The following METTL3 variants were observed in gnomAD, a reference collection of about 807,000 sequenced individuals.
METTL3 encodes methyltransferase 3, N6-adenosine-methyltransferase complex catalytic subunit, also known as N(6)-adenosine-methyltransferase catalytic subunit METTL3.
A neutral mutation model predicts 64.3 loss-of-function variants in METTL3; 42 were observed. The observed-to-expected ratio is 0.65, with a 90% CI of 0.51 to 0.84. The LOEUF (loss-of-function observed/expected upper bound fraction) is 0.84. METTL3 is among the 40% of genes least tolerant of loss of function. METTL3 has a pLI of 0.00. For synonymous variants in METTL3, 256 were observed against 263.6 expected (o/e 0.97, Z 0.28); for missense variants, 435 against 722.3 (o/e 0.60, Z 4.56).
chr14:21,499,466 T>C (rs1396678938), intron 8 of METTL3, 26 bp downstream of exon 8: 4 of 1,609,152 alleles, frequency 2.5e-6, no homozygotes, highest in African/African-American at 1.3e-5. Flanking sequence ...GCTCCACCTA[T>C]TGAATTGGGC....
chr14:21,509,429 GAAT>G (rs951018302), intron 1 of METTL3: 1 of 152,140 alleles, frequency 6.6e-6, no homozygotes. Context: ...TGCCATTGCT[GAAT>G]GGGAAAAGAC....
intron 10 of METTL3, 122 bp downstream of exon 10, chr14:21,498,903 C>T (rs1891482089): frequency 1.5e-6 from 1 of 672,470 alleles, no homozygotes; most frequent in South Asian, 1.8e-5. Context: ...GCTTAAGTGG[C>T]TTATGAATCC....
intron 1 of METTL3, among the ~76,000 whole-genome samples, chr14:21,506,274 C>A (rs1891694614): frequency 6.6e-6 from 1 of 151,844 alleles, no homozygotes; most frequent in Non-Finnish European, 1.5e-5. Flanking sequence ...GGGTCTCGGC[C>A]GGGCGTGGTT....
At position 21,499,082 on chromosome 14, in the gene METTL3, GAT is replaced by G. The variant is rs2139638427; in HGVS notation, c.1572_1573del (p.Pro526TrpfsTer6). The stretch of plus-strand genomic sequence containing the variant: ...TAACTCAATCTTGCGAGTGCCAGGA[GAT>G]AGTCTTTCAATCATGCCATAGATTT... On this transcript the variant is annotated frameshift_variant, in exon 10 of 11. Transcript: ENST00000298717. LOFTEE classifies it high-confidence loss of function. 1.2e-6 allele frequency: 2 copies of G among 1,614,058 alleles called. No homozygotes were observed. Among genetic ancestry groups the G allele is most frequent in the East Asian group, 4.5e-5 (2 of 44,902 alleles).
intron 4 of METTL3, 116 bp downstream of exon 4, chr14:21,501,612 C>G: frequency 1.5e-6 from 2 of 1,363,070 alleles, no homozygotes; most frequent in Admixed American, 2.0e-5. Context: ...GGAGGACTTA[C>G]ACAAACCATA....
In METTL3 at chr14:21,500,569, T is replaced by C. The variant is rs760542640; in HGVS notation, c.1230A>G (p.Thr410=). The C allele has an allele frequency of 6.2e-7, 1 of 1,614,164 alleles. No individual in the cohort carries two copies. The highest frequency in any genetic ancestry group is 8.5e-7 in the Non-Finnish European group (1 of 1,180,028). The change falls in exon 6 of 11, where the codon ACA becomes ACG. Residue 410 remains threonine, a synonymous_variant. Transcript: ENST00000298717. The stretch of plus-strand genomic sequence containing the variant: ...TGTTGAGCCTGCGCATCTCATCATC[T>C]GTCAGGGTCCCATAGGGCAGTTCCA... The part of the protein sequence containing the change: ...IHMELPYGTL[T]DDEMRRLNIP...
In METTL3 at chr14:21,499,779, C is replaced by T. The variant is rs755736039; in HGVS notation, c.1328G>A (p.Cys443Tyr). 5 of 1,613,102 alleles carry T rather than the reference C, an allele frequency of 3.1e-6. No homozygotes were observed. The highest frequency in any genetic ancestry group is 8.5e-7 in the Non-Finnish European group (1 of 1,179,218). ...TGRAMELGRE[C>Y]LNLWGYERVD... Reference sequence around the variant, plus strand: ...CACTACTTACCCCCAGAGGTTTAGACATTCTCTCCCCAACTCCATGGCCCT... The same window carrying T: ...CACTACTTACCCCCAGAGGTTTAGATATTCTCTCCCCAACTCCATGGCCCT... The change falls in exon 7 of 11, where the codon TGT (cysteine) becomes TAT (tyrosine). Residue 443 changes from cysteine (C) to tyrosine (Y), a missense_variant. Physicochemically the swap from Cys to Tyr is radical, Grantham distance 194. Coordinates refer to ENST00000298717, the MANE Select transcript of METTL3 (RefSeq NM_019852.5).
intron 1 of METTL3, among the ~76,000 whole-genome samples, chr14:21,507,176 T>C (rs1296683244): frequency 1.3e-5 from 2 of 150,962 alleles, no homozygotes; most frequent in African/African-American, 4.9e-5. Flanking sequence ...AGCGAAACTC[T>C]GTCTCAAAAA....
intron 7 of METTL3, 72 bp from the exon 8 acceptor site, chr14:21,499,672 G>C (rs1891507224): frequency 6.3e-7 from 1 of 1,578,770 alleles, no homozygotes. Context: ...ATTTATAGAA[G>C]CAAGGAATCA....
Position 21,511,321 on chromosome 14 carries a change from C to A in METTL3, c.-98G>T. The A allele has an allele frequency of 6.8e-7, 1 of 1,480,870 alleles. No homozygotes were observed. Among genetic ancestry groups the A allele is most frequent in the South Asian group, 1.3e-5 (1 of 74,716 alleles). 91.7% of individuals were successfully genotyped at this position (1,480,870 alleles called of 1,614,324 possible). On this transcript the variant is annotated 5_prime_UTR_variant, in exon 1 of 11. Coordinates refer to ENST00000298717, the MANE Select transcript of METTL3 (RefSeq NM_019852.5). Reference sequence around the variant, plus strand: ...TATAGCCAATTCTCACGCGGACACCCCGAAGGCTAACCGGAAAATGACCCC... The same window carrying A: ...TATAGCCAATTCTCACGCGGACACCACGAAGGCTAACCGGAAAATGACCCC...
At chr14:21,498,430 TTA>T in intron 10 of METTL3, 61 bp from the exon 11 acceptor site, 2 of 1,513,608 alleles carry the variant, frequency 1.3e-6, no homozygotes, top group Non-Finnish European at 1.8e-6. Context: ...TTTAATATTG[TTA>T]AAAAATGCAT....
chr14:21,509,433 G>A (rs1399707347), intron 1 of METTL3: 4 of 152,124 alleles, frequency 2.6e-5, no homozygotes, highest in Non-Finnish European at 5.9e-5. Flanking sequence ...ATTGCTGAAT[G>A]GGAAAAGACT....
At chr14:21,504,524 A>T (rs1891649779) in intron 1 of METTL3, 2 of 152,386 alleles carry the variant, frequency 1.3e-5, no homozygotes, top group African/African-American at 4.8e-5. Context: ...AGAAAGCCTA[A>T]TATCTGTGGT....
chr14:21,503,606 A>G (rs1956229638), intron 2 of METTL3, 29 bp from the exon 3 acceptor site: 2 of 1,613,500 alleles, frequency 1.2e-6, no homozygotes, highest in Non-Finnish European at 1.7e-6. Flanking sequence ...TATGGGCAAT[A>G]AGACACTGAC....
At chr14:21,498,681 T>G in intron 10 of METTL3, 1 of 478,362 alleles carries the variant, frequency 2.1e-6, no homozygotes, top group South Asian at 2.7e-5. Context: ...TGTTTTAAGC[T>G]CTGTTAAGGG....
chr14:21,506,105 GATTT>G (rs1289780796), intron 1 of METTL3, among the ~76,000 whole-genome samples: 2 of 151,194 alleles, frequency 1.3e-5, no homozygotes, highest in African/African-American at 4.9e-5. Flanking sequence ...CCAAAATAAA[GATTT>G]TTTTAAGTAA....
chr14:21,511,116 T>C lies in METTL3; in HGVS notation c.100+8A>G, dbSNP rs560067360. 1 of 1,613,814 alleles carries C rather than the reference T, an allele frequency of 6.2e-7. No homozygotes were observed. The highest frequency in any genetic ancestry group is 1.3e-5 in the African/African-American group (1 of 75,042). On this transcript the variant is annotated splice_region_variant and intron_variant, in intron 1 of 10. Transcript: ENST00000298717. ...TTGAGCCTCGGCCCCAACAGCCCAG[T>C]GCCTCACCCAAGTGCCCCGAGTCCT...
intron 5 of METTL3, 24 bp from the exon 6 acceptor site, chr14:21,500,706 T>C: frequency 6.3e-7 from 1 of 1,594,910 alleles, no homozygotes; most frequent in African/African-American, 1.3e-5. Context: ...TATTTGGTCA[T>C]CTTCCCTACT....
chr14:21,499,842 ATTTTT>A, intron 6 of METTL3, 40 bp from the exon 7 acceptor site: 5 of 1,595,994 alleles, frequency 3.1e-6, no homozygotes, highest in Non-Finnish European at 4.3e-6. Context: ...GTATGCCCAT[ATTTTT>A]TTTCCCTTCA....
Sources: gnomAD v4.1 joint callset for allele counts (sites outside exome capture counted in the v4.1 genomes callset) on GRCh38, gnomAD v4.1.1 for gene constraint, MANE v1.5 for transcripts, NCBI Gene and HGNC (gene_info 2026-07-23, HGNC 2026-07-21) for gene names.